SULF2: variants seen among roughly 807,000 people sequenced by gnomAD.
SULF2 encodes extracellular sulfatase Sulf-2.
Under a neutral mutation model 107.7 loss-of-function variants are expected in SULF2, and 52 were observed. That is an observed-to-expected ratio of 0.48 (90% CI 0.39 to 0.61). SULF2 has a LOEUF of 0.61. Among genes scored for constraint, SULF2 ranks in the 20% least tolerant of loss-of-function variants. The pLI is 0.00. For missense variants in SULF2, 993 were observed against 1,177.3 expected (o/e 0.84, Z 2.29); for synonymous variants, 460 against 464.3 (o/e 0.99, Z 0.12).
intron 2 of SULF2, among the ~76,000 whole-genome samples, chr20:47,741,951 G>C (rs535656658): frequency 6.6e-6 from 1 of 152,290 alleles, no homozygotes; most frequent in Admixed American, 6.5e-5. Context: ...GAAATGCTTA[G>C]ATCTCCTTCC....
rs1023485599 is a variant in SULF2 at position 47,718,579 on chromosome 20, C to T, written c.416-15909G>A. On this transcript the variant is annotated intron_variant, in intron 3 of 20. Coordinates refer to ENST00000688720, the MANE Select transcript of SULF2 (RefSeq NM_001387048.1). ...TCATTCAGGAGACAGACTGTGATGACCACAATCGTGGCAGGCGAAGGGCTT... is the reference window on the plus strand; with the variant it reads ...TCATTCAGGAGACAGACTGTGATGATCACAATCGTGGCAGGCGAAGGGCTT... Among the ~76,000 whole-genome samples the T allele has an allele frequency of 3.9e-5, 6 of 152,300 alleles. No homozygotes were observed. The East Asian group carries it at 1.2e-3, about 29-fold the overall frequency.
intron 1 of SULF2, among the ~76,000 whole-genome samples, chr20:47,773,603 T>C (rs542594843): frequency 6.6e-6 from 1 of 152,360 alleles, no homozygotes; most frequent in African/African-American, 2.4e-5. Context: ...AGAAATCAGA[T>C]ACAGAAATTC....
chr20:47,719,327 G>C (rs2089219618), intron 3 of SULF2, among the ~76,000 whole-genome samples: 1 of 152,180 alleles, frequency 6.6e-6, no homozygotes, highest in Non-Finnish European at 1.5e-5. Context: ...AACTGGAGGG[G>C]TACACCAGGT....
chr20:47,711,951 A>G (rs1316984664), intron 3 of SULF2, among the ~76,000 whole-genome samples: 1 of 152,246 alleles, frequency 6.6e-6, no homozygotes. Flanking sequence ...GATATACAAC[A>G]TTCACATATA....
rs567308883 is a variant in SULF2, at chr20:47,784,896, G to A, written c.-101+447C>T. 3.9e-5 allele frequency among the ~76,000 whole-genome samples: 6 copies of A among 152,266 alleles called. No individual in the cohort carries two copies. The East Asian group carries it at 7.8e-4, about 20-fold the overall frequency. ...GAGTTTCCAACCACTCTGAAGATCC[G>A]GCCCACTGCTTCCCCGAGTCCTGCC... On this transcript the variant is annotated intron_variant, in intron 1 of 20. Transcript: ENST00000688720.
chr20:47,758,475 AGTTTT>A (rs1322582923), intron 1 of SULF2, among the ~76,000 whole-genome samples: 1 of 152,066 alleles, frequency 6.6e-6, no homozygotes, highest in Non-Finnish European at 1.5e-5. Flanking sequence ...CCAGCCTATT[AGTTTT>A]AAGTTGCAGA....
At chr20:47,672,489 C>T in intron 10 of SULF2, 96 bp from the exon 11 acceptor site, 6 of 1,451,702 alleles carry the variant, frequency 4.1e-6, no homozygotes, top group Non-Finnish European at 5.4e-6. Flanking sequence ...ACATCCCTCT[C>T]CCTGCTTGCA....
rs1184155077 is a variant in SULF2, at chr20:47,672,291, T to G, written c.1483A>C (p.Lys495Gln). The G allele has an allele frequency of 6.2e-7, 1 of 1,613,532 alleles. No individual in the cohort carries two copies. The highest frequency in any genetic ancestry group is 8.5e-7 in the Non-Finnish European group (1 of 1,179,966). ...GSRALSNLVP[K>Q]YYGQGSEACT... ...GCCTCGCTGCCCTGCCCGTAGTACT[T>G]GGGCACGAGGTTGGAGAGGGCTCTG... is the stretch of plus-strand genomic sequence containing the variant. The change falls in exon 11 of 21, where the codon AAG (lysine) becomes CAG (glutamine). Residue 495 changes from lysine to glutamine, a missense_variant. Transcript: ENST00000688720.
intron 1 of SULF2, among the ~76,000 whole-genome samples, chr20:47,759,736 CTCTT>C (rs774607064): frequency 3.9e-5 from 6 of 152,228 alleles, no homozygotes; most frequent in Non-Finnish European, 7.3e-5. Context: ...GTACTCCTGG[CTCTT>C]TCTGTCAAAA....
chr20:47,737,754 T>TG (rs1491235141), intron 2 of SULF2, among the ~76,000 whole-genome samples: 2 of 104,600 alleles, frequency 1.9e-5, no homozygotes, highest in East Asian at 4.4e-4. Flanking sequence ...TTCTTTTCTT[T>TG]GTTTTTTTTT....
In SULF2 at chr20:47,680,203, C is replaced by T. The variant is rs1313473004; in HGVS notation, c.1065-1399G>A. Among the ~76,000 whole-genome samples the T allele has an allele frequency of 6.6e-6, 1 of 152,200 alleles. No homozygotes were observed. The highest frequency in any genetic ancestry group is 2.4e-5 in the African/African-American group (1 of 41,448). ...CACTGCAACCTCCACCTCCTGGGTT[C>T]AAGCGATTCTCATGCCTCAGCCTCC... On this transcript the variant is annotated intron_variant, in intron 7 of 20. Transcript: ENST00000688720. This position sits in a 1 kb window ranked among gnomAD's most constrained non-coding sequence, Gnocchi z 4.2.
chr20:47,746,808 G>C (rs2090045254), intron 2 of SULF2, among the ~76,000 whole-genome samples: 1 of 151,698 alleles, frequency 6.6e-6, no homozygotes, highest in South Asian at 2.1e-4. Flanking sequence ...ACACAGGAAG[G>C]GGAACATCAC....
Position 47,741,164 on chromosome 20 carries a change from C to T in SULF2, c.176-4222G>A, listed in dbSNP as rs112439459. 1.2e-3 allele frequency among the ~76,000 whole-genome samples: 187 copies of T among 152,244 alleles called. 1 individual carries two copies. The highest frequency in any genetic ancestry group is 4.2e-3 in the African/African-American group (176 of 41,522). Reference sequence around the variant, plus strand: ...CAGAGTCTCCTCTCCTGACACTCTCCGGGGCTCCTGCTCACTCAGAGGAGC... The same window carrying T: ...CAGAGTCTCCTCTCCTGACACTCTCTGGGGCTCCTGCTCACTCAGAGGAGC... On this transcript the variant is annotated intron_variant, in intron 2 of 20. Coordinates refer to ENST00000688720, the MANE Select transcript of SULF2 (RefSeq NM_001387048.1).
intron 1 of SULF2, among the ~76,000 whole-genome samples, chr20:47,760,929 T>G (rs2090404651): frequency 6.6e-6 from 1 of 152,180 alleles, no homozygotes; most frequent in Non-Finnish European, 1.5e-5. Context: ...CCACGTGGTG[T>G]GATGGTTAAG....
intron 5 of SULF2, among the ~76,000 whole-genome samples, chr20:47,686,757 G>A (rs2088018060): frequency 6.6e-6 from 1 of 152,238 alleles, no homozygotes; most frequent in Non-Finnish European, 1.5e-5. Flanking sequence ...TGCTATGTAA[G>A]GCGGGAGGTG....
intron 14 of SULF2, among the ~76,000 whole-genome samples, chr20:47,664,643 C>T (rs1434413254): frequency 6.6e-6 from 1 of 152,198 alleles, no homozygotes; most frequent in Non-Finnish European, 1.5e-5. Context: ...GGAAAGACAG[C>T]AGGGCTTCTA....
In SULF2 at chr20:47,680,752, TGCAGAACCCAGCAACCGGCAGCTAATG is replaced by T. The variant is rs2087799261; in HGVS notation, c.1065-1975_1065-1949del. 1.3e-5 allele frequency among the ~76,000 whole-genome samples: 2 copies of T among 152,214 alleles called. No homozygotes were observed. The highest frequency in any genetic ancestry group is 4.1e-4 in the South Asian group (2 of 4,826). On this transcript the variant is annotated intron_variant, in intron 7 of 20. Coordinates refer to ENST00000688720, the MANE Select transcript of SULF2 (RefSeq NM_001387048.1). The surrounding 1 kb of genome is among the most constrained non-coding windows in gnomAD (Gnocchi z 4.2). ...GAAGACTGCTGAGCGACGGGCGCTC[TGCAGAACCCAGCAACCGGCAGCTAATG>T]GGGCTGAGCTTGTCCAGTGGTCCCG...
Position 47,757,283 on chromosome 20 carries a change from C to A in SULF2, c.81G>T (p.Ser27=). 6.3e-7 allele frequency: 1 copy of A among 1,589,686 alleles called. No homozygotes were observed. Among genetic ancestry groups the A allele is most frequent in the Non-Finnish European group, 8.6e-7 (1 of 1,167,288 alleles). Residue 27 remains serine, a synonymous_variant, in exon 2 of 21, where the codon TCG becomes TCT. Coordinates refer to ENST00000688720, the MANE Select transcript of SULF2 (RefSeq NM_001387048.1). ...GAAACCTGCCTTTCAGGCGGTGGTG[C>A]GACAGGAAGGCCGAGCTTCCACCCA... is the stretch of plus-strand genomic sequence containing the variant. ...SLLGGSSAFL[S]HHRLKGRFQR... is the part of the protein sequence containing the mutation.
chr20:47,700,913 T>C (rs1250350858), intron 4 of SULF2, among the ~76,000 whole-genome samples: 1 of 152,192 alleles, frequency 6.6e-6, no homozygotes, highest in African/African-American at 2.4e-5. Flanking sequence ...CCCAAAGTAC[T>C]GGGATTACAG....
Sources: allele counts gnomAD v4.1 joint callset (sites outside exome capture counted in the v4.1 genomes callset), GRCh38; gene constraint gnomAD v4.1.1; non-coding constraint Gnocchi (gnomAD v3.1); transcripts MANE v1.5; gene names NCBI Gene and HGNC (gene_info 2026-07-23, HGNC 2026-07-21).